FAH: variants seen among roughly 807,000 people sequenced by gnomAD.
FAH encodes the protein fumarylacetoacetase.
A neutral mutation model predicts 55.8 loss-of-function variants in FAH; 47 were observed. That is an observed-to-expected ratio of 0.84 (90% CI 0.67 to 1.07). The LOEUF (loss-of-function observed/expected upper bound fraction) is 1.07. FAH is among the 50% of genes least tolerant of loss of function. The pLI, the probability that FAH is intolerant of heterozygous loss-of-function variation, is 0.00. For missense variants in FAH, 495 were observed against 545.9 expected (o/e 0.91, Z 0.93); for synonymous variants, 199 against 207.7 (o/e 0.96, Z 0.36).
rs1355437388 is a variant in FAH at position 80,175,104 on chromosome 15, G to T, written c.913+13G>T. The T allele has an allele frequency of 6.2e-7, 1 of 1,611,918 alleles. No homozygotes were observed. Among genetic ancestry groups the T allele is most frequent in the South Asian group, 1.1e-5 (1 of 91,044 alleles). ...GTTAACCTGAAAGGTATGTTGTAGG[G>T]GGACTGACATGGCCAGGAGCTCTGA... On this transcript the variant is annotated intron_variant, in intron 10 of 13. Transcript: ENST00000561421.
At chr15:80,168,415 C>T in intron 7 of FAH, 99 bp downstream of exon 7, 2 of 1,204,950 alleles carry the variant, frequency 1.7e-6, no homozygotes, top group South Asian at 2.4e-5. Context: ...CCACTCCCCT[C>T]CTCTTCAGCC....
At chr15:80,186,457 G>A (rs917457098), downstream of FAH, 16 of 556,064 alleles carry the variant, frequency 2.9e-5, no homozygotes, top group Non-Finnish European at 4.9e-5. Context: ...TATTAGTGAG[G>A]TCAGGGGTCT....
At chr15:80,186,420 A>G (rs1452949459), downstream of FAH, 2 of 618,362 alleles carry the variant, frequency 3.2e-6, no homozygotes, top group Non-Finnish European at 5.8e-6. Flanking sequence ...TCCCTGCCAG[A>G]TATTCATTAA....
intron 9 of FAH, among the ~76,000 whole-genome samples, chr15:80,174,489 T>A (rs888786159): frequency 1.3e-5 from 2 of 152,222 alleles, no homozygotes; most frequent in Non-Finnish European, 2.9e-5. Context: ...AACGATCTCA[T>A]GTCCCGTGGG....
At chr15:80,162,660 C>T (rs1036002706) in intron 5 of FAH, 9 of 404,656 alleles carry the variant, frequency 2.2e-5, no homozygotes, top group African/African-American at 1.6e-4. Context: ...AAGTCTTAGA[C>T]TCTAGCATGC....
Position 80,177,543 on chromosome 15 carries a change from G to A in FAH, c.920G>A (p.Gly307Glu). ...TTGCTTTTCTTTCCAACAGGAGAAGGAATGAGCCAGGCGGCTACCATATGC... is the reference window on the plus strand; with the variant it reads ...TTGCTTTTCTTTCCAACAGGAGAAGAAATGAGCCAGGCGGCTACCATATGC... ...INLSVNLKGE[G>E]MSQAATICKS... Residue 307 changes from glycine (G) to glutamate (E), a missense_variant, in exon 11 of 14, where the codon GGA (glycine) becomes GAA (glutamate). By Grantham distance (98) the Gly-to-Glu change is moderately conservative. Transcript: ENST00000561421. 1 of 1,613,846 alleles carries A rather than the reference G, an allele frequency of 6.2e-7. No individual in the cohort carries two copies. Among genetic ancestry groups the A allele is most frequent in the Non-Finnish European group, 8.5e-7 (1 of 1,179,804 alleles).
chr15:80,176,034 C>T (rs962459070), intron 10 of FAH, among the ~76,000 whole-genome samples: 3 of 151,818 alleles, frequency 2.0e-5, no homozygotes, highest in South Asian at 2.1e-4. Flanking sequence ...TTTTTTCCCC[C>T]GAGATGGAGT....
At chr15:80,177,360 G>A (rs2041292457) in intron 10 of FAH, 177 bp from the exon 11 acceptor site, 2 of 646,670 alleles carry the variant, frequency 3.1e-6, no homozygotes. Flanking sequence ...TTGTGTGCAT[G>A]TATTGGCCAA....
intron 9 of FAH, 152 bp downstream of exon 9, chr15:80,173,296 G>A: frequency 1.0e-6 from 1 of 1,001,174 alleles, no homozygotes; most frequent in Admixed American, 1.8e-5. Context: ...GGAGTTCCTG[G>A]CCACGATTAC....
intron 2 of FAH, 24 bp downstream of exon 2, chr15:80,158,194 T>C (rs759206124): frequency 8.5e-6 from 13 of 1,524,030 alleles, no homozygotes; most frequent in Non-Finnish European, 1.2e-5. Context: ...AAACGACTTG[T>C]CCCTGACCTC....
At chr15:80,170,246 A>T (rs1234684098) in intron 7 of FAH, among the ~76,000 whole-genome samples, 1 of 152,232 alleles carries the variant, frequency 6.6e-6, no homozygotes, top group Non-Finnish European at 1.5e-5. Context: ...GCTTTCCCAT[A>T]GTCAGCACCT....
intron 2 of FAH, among the ~76,000 whole-genome samples, chr15:80,158,519 G>A (rs948708218): frequency 3.3e-5 from 5 of 152,190 alleles, no homozygotes; most frequent in Non-Finnish European, 5.9e-5. Context: ...GGGCTGTGTG[G>A]GCCCCCAAGG....
chr15:80,153,244 CT>C, intron 1 of FAH, 109 bp downstream of exon 1: 1 of 882,172 alleles, frequency 1.1e-6, no homozygotes, highest in Non-Finnish European at 1.8e-6. Context: ...GGGATGGAGG[CT>C]TGTGCCATTT....
At chr15:80,159,899 G>A (rs374617446) in intron 3 of FAH, 22 bp downstream of exon 3, 10 of 1,613,024 alleles carry the variant, frequency 6.2e-6, no homozygotes, top group South Asian at 2.2e-5. Context: ...GTGGTCATAG[G>A]GGGGATGAGG....
At chr15:80,158,440 A>G (rs1253956280) in intron 2 of FAH, among the ~76,000 whole-genome samples, 6 of 152,164 alleles carry the variant, frequency 3.9e-5, no homozygotes, top group South Asian at 4.1e-4. Flanking sequence ...CTAGTTGTCT[A>G]TGAGATGAAG....
chr15:80,180,817 G>A (rs999852886), intron 12 of FAH, among the ~76,000 whole-genome samples: 1 of 152,138 alleles, frequency 6.6e-6, no homozygotes, highest in Non-Finnish European at 1.5e-5. Context: ...TCCTAAACAA[G>A]CGATGTCCTT....
chr15:80,181,199 C>A, intron 13 of FAH, 40 bp downstream of exon 13: 1 of 1,414,018 alleles, frequency 7.1e-7, no homozygotes, highest in Non-Finnish European at 1.0e-6. Flanking sequence ...TTCCTCCTTG[C>A]CCGCCATGCA....
At chr15:80,180,998 G>A in intron 12 of FAH, 44 bp from the exon 13 acceptor site, 1 of 1,509,984 alleles carries the variant, frequency 6.6e-7, no homozygotes, top group Non-Finnish European at 9.2e-7. Flanking sequence ...CCAGAGCCAA[G>A]GCATAAATTC....
intron 10 of FAH, among the ~76,000 whole-genome samples, chr15:80,175,297 T>TA (rs1198462430): frequency 1.3e-5 from 2 of 151,884 alleles, no homozygotes; most frequent in Non-Finnish European, 2.9e-5. Context: ...CATAGGGCAT[T>TA]AACCCTGTCA....
Sources: gnomAD v4.1 joint callset for allele counts (sites outside exome capture counted in the v4.1 genomes callset) on GRCh38, gnomAD v4.1.1 for gene constraint, MANE v1.5 for transcripts, NCBI Gene and HGNC (gene_info 2026-07-23, HGNC 2026-07-21) for gene names.